TUBD1: variants seen among roughly 807,000 people sequenced by gnomAD.
TUBD1 encodes tubulin delta chain.
Under a neutral mutation model 51.2 loss-of-function variants are expected in TUBD1, and 38 were observed. The ratio of observed to expected loss-of-function variants is 0.74; its 90% confidence interval spans 0.57 to 0.97. The LOEUF is 0.97. Ranked by LOEUF, TUBD1 falls within the 50% of genes least tolerant of loss-of-function variation. The pLI, the probability that TUBD1 is intolerant of heterozygous loss-of-function variation, is 0.00. For synonymous variants in TUBD1, 169 were observed against 178.2 expected (o/e 0.95, Z 0.41); for missense variants, 489 against 538.4 (o/e 0.91, Z 0.91).
At chr17:59,876,145 T>C (rs571252691) in intron 5 of TUBD1, among the ~76,000 whole-genome samples, 7 of 151,984 alleles carry the variant, frequency 4.6e-5, no homozygotes, top group Non-Finnish European at 7.4e-5. Flanking sequence ...AAATATAGAA[T>C]AGTCAGAAAA....
intron 6 of TUBD1, among the ~76,000 whole-genome samples, chr17:59,870,097 A>C (rs944474691): frequency 4.6e-5 from 7 of 152,072 alleles, no homozygotes; most frequent in South Asian, 4.1e-4. Context: ...ACGGTGGCTT[A>C]TATCTGTAAT....
chr17:59,880,867 TA>T (rs757696583), intron 4 of TUBD1, 26 bp downstream of exon 4: 18 of 1,590,216 alleles, frequency 1.1e-5, no homozygotes, highest in Non-Finnish European at 1.5e-5. Context: ...ACATAAAACA[TA>T]AACTTTTCAA....
At chr17:59,885,341 C>A in intron 3 of TUBD1, 2 of 682,566 alleles carry the variant, frequency 2.9e-6, no homozygotes, top group Non-Finnish European at 5.4e-6. Context: ...GACATGTATA[C>A]CAGGAATATG....
At chr17:59,864,418 T>G (rs1229810577) in intron 7 of TUBD1, among the ~76,000 whole-genome samples, 1 of 152,064 alleles carries the variant, frequency 6.6e-6, no homozygotes, top group Non-Finnish European at 1.5e-5. Flanking sequence ...AGTGCTAGGA[T>G]TATAGGCATG....
At chr17:59,874,764 A>G (rs983771734) in intron 5 of TUBD1, 61 bp from the exon 6 acceptor site, 2 of 1,381,780 alleles carry the variant, frequency 1.4e-6, no homozygotes, top group Non-Finnish European at 2.0e-6. Context: ...CCAATAGTCT[A>G]TATATAACCA....
intron 2 of TUBD1, among the ~76,000 whole-genome samples, chr17:59,888,179 C>T (rs1297224729): frequency 2.0e-5 from 3 of 152,138 alleles, no homozygotes; most frequent in Non-Finnish European, 4.4e-5. Context: ...TCATGATTCG[C>T]CCGCCTCGAC....
At chr17:59,879,898 G>T (rs1459437904) in intron 4 of TUBD1, among the ~76,000 whole-genome samples, 7 of 151,774 alleles carry the variant, frequency 4.6e-5, no homozygotes, top group Non-Finnish European at 1.0e-4. Context: ...GACTACAGGT[G>T]TGTGCCACCA....
chr17:59,872,019 T>C (rs2040004020), intron 6 of TUBD1, among the ~76,000 whole-genome samples: 2 of 151,968 alleles, frequency 1.3e-5, no homozygotes, highest in Non-Finnish European at 2.9e-5. Context: ...AGGGGTGTGA[T>C]CTCAGCTCGC....
intron 8 of TUBD1, among the ~76,000 whole-genome samples, chr17:59,861,188 C>G: frequency 8.5e-6 from 1 of 117,694 alleles, no homozygotes; most frequent in East Asian, 2.5e-4. Context: ...CCCTCCCACC[C>G]CACAAAATTT....
chr17:59,880,207 C>T (rs2040419330), intron 4 of TUBD1, among the ~76,000 whole-genome samples: 1 of 151,902 alleles, frequency 6.6e-6, no homozygotes, highest in Non-Finnish European at 1.5e-5. Flanking sequence ...TACAGGCCAG[C>T]GCCACCATGC....
rs2040716775 is a variant in TUBD1, at chr17:59,886,239, G to A, written c.173-9C>T. 1.9e-6 allele frequency: 3 copies of A among 1,590,968 alleles called. No individual in the cohort carries two copies. Among genetic ancestry groups the A allele is most frequent in the Non-Finnish European group, 2.6e-6 (3 of 1,171,844 alleles). On this transcript the variant is annotated splice_polypyrimidine_tract_variant and intron_variant, in intron 2 of 8. Coordinates refer to ENST00000325752, the MANE Select transcript of TUBD1 (RefSeq NM_016261.4). ...AGCCCGGGCAATTGGAACTAGAGGGGGAAAAAAACCCAAAAACATCGAAAG... is the reference window on the plus strand; with the variant it reads ...AGCCCGGGCAATTGGAACTAGAGGGAGAAAAAAACCCAAAAACATCGAAAG...
chr17:59,872,665 CAT>C (rs59947722), intron 6 of TUBD1, among the ~76,000 whole-genome samples: 70,174 of 150,254 alleles, frequency 0.47, 16,412 homozygotes, highest in East Asian at 0.56. Flanking sequence ...TGAGTGTGCA[CAT>C]GTGTCAGTAT....
intron 3 of TUBD1, 65 bp from the exon 4 acceptor site, chr17:59,881,175 A>C: frequency 7.5e-7 from 1 of 1,333,884 alleles, no homozygotes; most frequent in Non-Finnish European, 1.1e-6. Context: ...TGTAATTCAG[A>C]GAGAAAGATA....
intron 7 of TUBD1, 130 bp from the exon 8 acceptor site, chr17:59,863,977 G>T: frequency 3.7e-6 from 3 of 802,846 alleles, no homozygotes; most frequent in Non-Finnish European, 5.3e-6. Context: ...TGTGATGGCT[G>T]GTGCAGAGAC....
intron 5 of TUBD1, among the ~76,000 whole-genome samples, chr17:59,877,081 A>C (rs1257473896): frequency 2.0e-5 from 3 of 151,702 alleles, no homozygotes; most frequent in Admixed American, 6.6e-5. Context: ...GCTGGTCTCA[A>C]ACTTCTGACC....
At chr17:59,882,670 CAA>C (rs2040541436) in intron 3 of TUBD1, among the ~76,000 whole-genome samples, 1 of 152,100 alleles carries the variant, frequency 6.6e-6, no homozygotes. Context: ...AGTGCAGTGG[CAA>C]AATCACAGCT....
chr17:59,879,132 C>T (rs992224671), intron 4 of TUBD1, among the ~76,000 whole-genome samples: 4 of 151,738 alleles, frequency 2.6e-5, no homozygotes, highest in African/African-American at 4.8e-5. Context: ...CAAAATTAGC[C>T]GAGCGCATGC....
At chr17:59,875,073 CTTTTTTTTTTTT>C (rs10679203) in intron 5 of TUBD1, among the ~76,000 whole-genome samples, 1 of 87,270 alleles carries the variant, frequency 1.1e-5, no homozygotes, top group Admixed American at 1.6e-4. Context: ...TTGTTATATT[CTTTTTTTTTTTT>C]TTTTTTTTTG....
At chr17:59,886,383 T>C in intron 2 of TUBD1, 153 bp from the exon 3 acceptor site, 1 of 752,698 alleles carries the variant, frequency 1.3e-6, no homozygotes, top group South Asian at 2.1e-5. Flanking sequence ...TGCTTAGAAA[T>C]CTCAGTGGGC....
Sources: gnomAD v4.1 joint callset for allele counts (sites outside exome capture counted in the v4.1 genomes callset) on GRCh38, gnomAD v4.1.1 for gene constraint, MANE v1.5 for transcripts, NCBI Gene and HGNC (gene_info 2026-07-23, HGNC 2026-07-21) for gene names.